KIAA0040: variants seen among roughly 807,000 people sequenced by gnomAD.
KIAA0040 encodes KIAA0040.
KIAA0040 carries 10 observed loss-of-function variants against 7.2 expected under a neutral mutation model. The ratio of observed to expected loss-of-function variants is 1.38; its 90% CI spans 0.85 to 2.34. The LOEUF is 2.34. KIAA0040 is among the 30% of genes most tolerant of loss of function. The pLI is 0.00. For synonymous variants in KIAA0040, 49 were observed against 40.1 expected, an observed-to-expected ratio of 1.22 and a Z score of -0.84; for missense variants, 89 against 108.2, an observed-to-expected ratio of 0.82 and a Z score of 0.79.
intron 2 of KIAA0040, among the ~76,000 whole-genome samples, chr1:175,171,185 T>C (rs1236939171): frequency 1.3e-5 from 2 of 152,220 alleles, no homozygotes; most frequent in African/African-American, 2.4e-5. Context: ...AGTATGGTTA[T>C]CTAATGTCGC....
At position 175,192,211 on chromosome 1, in the gene KIAA0040, T is replaced by G. The variant is rs3753561; in HGVS notation, c.-384+429A>C. On this transcript the variant is annotated intron_variant, in intron 1 of 3. Transcript: ENST00000423313. ...CCTGGCTCCACGCCATATTTTCGTT[T>G]TGGCTAGTTCCTTAGCTCCAGAGAA... is the stretch of plus-strand genomic sequence containing the variant. Among the ~76,000 whole-genome samples, 23 of 152,342 alleles carry G rather than the reference T, an allele frequency of 1.5e-4. No individual in the cohort carries two copies. In the East Asian group the frequency reaches 4.4e-3, roughly 29 times the overall value.
rs542386949 is a variant in KIAA0040, at chr1:175,167,986, G to A, written c.-309-1249C>T. ...GTTAAAACACCTTATTCAACCCCAG[G>A]CCTCTCCACCCTGCCTGTCCAAACC... On this transcript the variant is annotated intron_variant, in intron 2 of 3. Transcript: ENST00000423313. Among the ~76,000 whole-genome samples, 3 of 151,868 alleles carry A rather than the reference G, an allele frequency of 2.0e-5. No individual in the cohort carries two copies. In the East Asian group the frequency reaches 5.8e-4, roughly 29 times the overall value.
At chr1:175,171,270 A>G (rs1381877088) in intron 2 of KIAA0040, among the ~76,000 whole-genome samples, 1 of 152,102 alleles carries the variant, frequency 6.6e-6, no homozygotes, top group Non-Finnish European at 1.5e-5. Context: ...GAAATTTCTC[A>G]GTCACTTACA....
intron 2 of KIAA0040, among the ~76,000 whole-genome samples, chr1:175,169,884 C>T (rs897580532): frequency 6.6e-6 from 1 of 152,312 alleles, no homozygotes; most frequent in Non-Finnish European, 1.5e-5. Flanking sequence ...TCTTTTCCTA[C>T]TTTCCCTTTT....
chr1:175,172,389 A>G (rs1677025931), intron 2 of KIAA0040, among the ~76,000 whole-genome samples: 1 of 152,224 alleles, frequency 6.6e-6, no homozygotes, highest in African/African-American at 2.4e-5. Context: ...CCTGGGCAAC[A>G]TAGCAAGATC....
rs1490473084 is a variant in KIAA0040 at position 175,182,230 on chromosome 1, AG to A, written c.-383-4547del. On this transcript the variant is annotated intron_variant, in intron 1 of 3. Transcript: ENST00000423313. ...TGTTTTCACATTTGACTATGAAGGCAGATTACTGTGTTAAGGGAACTTGAGT... is the reference window on the plus strand; with the variant it reads ...TGTTTTCACATTTGACTATGAAGGCAATTACTGTGTTAAGGGAACTTGAGT... Among the ~76,000 whole-genome samples the A allele has an allele frequency of 9.2e-5, 14 of 152,258 alleles. No homozygotes were observed. The East Asian group carries it at 1.2e-3, about 13-fold the overall frequency.
At position 175,160,748 on chromosome 1, in the gene KIAA0040, A is replaced by C; in HGVS notation, c.266T>G (p.Leu89Arg). ...DLWISAQPKL[L>R]QMEKRPSLPV ...CAGTGATGGTCTCTTCTCCATCTGG[A>C]GAAGCTTGGGTTGAGCAGAGATCCA... is the stretch of plus-strand genomic sequence containing the variant. Residue 89 changes from leucine to arginine, a missense_variant, in exon 4 of 4, where the codon CTC becomes CGC. Transcript: ENST00000423313. 2 of 1,549,084 alleles carry C rather than the reference A, an allele frequency of 1.3e-6. No individual in the cohort carries two copies. Among genetic ancestry groups the C allele is most frequent in the Non-Finnish European group, 8.7e-7 (1 of 1,146,838 alleles).
intron 1 of KIAA0040, among the ~76,000 whole-genome samples, 161 bp from the exon 2 acceptor site, chr1:175,177,845 T>G (rs1677265398): frequency 6.6e-6 from 1 of 152,192 alleles, no homozygotes; most frequent in African/African-American, 2.4e-5. Context: ...CAACTGGAAG[T>G]GAGTACCTGC....
intron 2 of KIAA0040, among the ~76,000 whole-genome samples, chr1:175,175,960 C>G (rs929170246): frequency 6.6e-6 from 1 of 152,112 alleles, no homozygotes; most frequent in Non-Finnish European, 1.5e-5. Flanking sequence ...ATCAACATGG[C>G]ACATGTATAC....
chr1:175,164,672 A>G (rs1435443951), intron 3 of KIAA0040, among the ~76,000 whole-genome samples: 1 of 152,214 alleles, frequency 6.6e-6, no homozygotes, highest in African/African-American at 2.4e-5. Context: ...ATTCATTAAC[A>G]TTTGGGAAGC....
At position 175,160,696 on chromosome 1, in the gene KIAA0040, C is replaced by G; in HGVS notation, c.*18G>C. 1 of 1,536,052 alleles carries G rather than the reference C, an allele frequency of 6.5e-7. No individual in the cohort carries two copies. Among genetic ancestry groups the G allele is most frequent in the East Asian group, 2.5e-5 (1 of 40,792 alleles). On this transcript the variant is annotated 3_prime_UTR_variant, in exon 4 of 4. Coordinates refer to ENST00000423313, the MANE Select transcript of KIAA0040 (RefSeq NM_014656.3). ...GAGGCTTAGCCCCAGAAAGGAAACA[C>G]CTCTGCTTCCTGCCTAACTAAACAG...
At chr1:175,177,838 C>T (rs948556307) in intron 1 of KIAA0040, among the ~76,000 whole-genome samples, 154 bp from the exon 2 acceptor site, 2 of 152,200 alleles carry the variant, frequency 1.3e-5, no homozygotes, top group African/African-American at 4.8e-5. Context: ...AAACCAACAA[C>T]TGGAAGTGAG....
At chr1:175,172,184 A>C (rs1677019709) in intron 2 of KIAA0040, among the ~76,000 whole-genome samples, 1 of 152,066 alleles carries the variant, frequency 6.6e-6, no homozygotes, top group African/African-American at 2.4e-5. Flanking sequence ...AGTTCTCCTC[A>C]TGTTACCCTC....
chr1:175,176,669 C>CTTTTTTTTTT lies in KIAA0040; in HGVS notation c.-310+932_-310+941dup, dbSNP rs34859478. Among the ~76,000 whole-genome samples the CTTTTTTTTTT allele has an allele frequency of 7.8e-3, 215 of 27,462 alleles. 71 individuals are homozygous for CTTTTTTTTTT. The highest frequency in any genetic ancestry group is 0.022 in the South Asian group (6 of 276). 18.0% of individuals were successfully genotyped at this position (27,462 alleles called of 152,430 possible). A position where few individuals can be genotyped will look rare whatever the true frequency, so the allele number is the denominator to read the frequency against. On this transcript the variant is annotated intron_variant, in intron 2 of 3. Coordinates refer to ENST00000423313, the MANE Select transcript of KIAA0040 (RefSeq NM_014656.3). The stretch of plus-strand genomic sequence containing the variant: ...ATCCAGTGTCAGGTTAAGTAGCATG[C>CTTTTTTTTTT]TTTTTTTTTTTTTTTTTTTTTTTTT...
chr1:175,169,400 T>G (rs570397045), intron 2 of KIAA0040, among the ~76,000 whole-genome samples: 29 of 152,314 alleles, frequency 1.9e-4, no homozygotes, highest in African/African-American at 6.3e-4. Flanking sequence ...GCGCTCTGTT[T>G]TCTCATTTGT....
chr1:175,165,085 T>A (rs572674349), intron 3 of KIAA0040, among the ~76,000 whole-genome samples: 1 of 152,344 alleles, frequency 6.6e-6, no homozygotes, highest in South Asian at 2.1e-4. Flanking sequence ...TTCTTTCAAT[T>A]TTTTTGAAAC....
At chr1:175,178,767 C>A (rs1425096260) in intron 1 of KIAA0040, among the ~76,000 whole-genome samples, 1 of 152,178 alleles carries the variant, frequency 6.6e-6, no homozygotes, top group Non-Finnish European at 1.5e-5. Context: ...ATCAACTGCC[C>A]TCACCATTCA....
chr1:175,181,128 A>G (rs1266860448), intron 1 of KIAA0040, among the ~76,000 whole-genome samples: 1 of 152,132 alleles, frequency 6.6e-6, no homozygotes, highest in Admixed American at 6.5e-5. Context: ...CTGAGAGTAC[A>G]GGCATGAGAC....
intron 2 of KIAA0040, among the ~76,000 whole-genome samples, chr1:175,173,532 C>T (rs1308170991): frequency 6.6e-6 from 1 of 152,144 alleles, no homozygotes; most frequent in African/African-American, 2.4e-5. Context: ...GCTACTCAAG[C>T]GCAGAAAGAC....
Sources: gnomAD v4.1 joint callset for allele counts (sites outside exome capture counted in the v4.1 genomes callset) on GRCh38, gnomAD v4.1.1 for gene constraint, MANE v1.5 for transcripts, NCBI Gene and HGNC (gene_info 2026-07-23, HGNC 2026-07-21) for gene names.